LACTBL1: variants seen among roughly 807,000 people sequenced by gnomAD.
LACTBL1 encodes beta-lactamase-like protein 1.
Under a neutral mutation model 39.6 loss-of-function variants are expected in LACTBL1, and 29 were observed. That is an observed-to-expected ratio of 0.73 (90% CI 0.55 to 1.00). The LOEUF is 1.00. Ranked by LOEUF, LACTBL1 falls within the 50% of genes least tolerant of loss-of-function variation. The pLI is 0.00. For synonymous variants in LACTBL1, 361 were observed against 360.7 expected, an observed-to-expected ratio of 1.00 and a Z score of -0.01; for missense variants, 711 against 748.5, an observed-to-expected ratio of 0.95 and a Z score of 0.59.
upstream of LACTBL1, among the ~76,000 whole-genome samples, chr1:22,966,109 A>G (rs1012639954): frequency 1.3e-5 from 2 of 152,248 alleles, no homozygotes; most frequent in Non-Finnish European, 2.9e-5. Flanking sequence ...TTATATCTCA[A>G]TACAATTCCT....
chr1:22,953,485 C>G lies in LACTBL1; in HGVS notation c.1199G>C (p.Arg400Pro), dbSNP rs568444287. 3.1e-4 allele frequency: 385 copies of G among 1,230,416 alleles called. 2 individuals carry two copies. The African/African-American group carries it at 5.4e-3, about 17-fold the overall frequency. 76.2% of individuals were successfully genotyped at this position (1,230,416 alleles called of 1,614,324 possible). A position where few individuals can be genotyped will look rare whatever the true frequency, so the allele number is the denominator to read the frequency against. The change falls in exon 6 of 6, where the codon CGG becomes CCG. Residue 400 changes from arginine to proline, a missense_variant. Transcript: ENST00000426928. ...GGCGGGCAGGAGCTCATCGTAGGCCCGCGCCACCAGGTCGGGCCCGGGCGG... is the reference window on the plus strand; with the variant it reads ...GGCGGGCAGGAGCTCATCGTAGGCCGGCGCCACCAGGTCGGGCCCGGGCGG...
At chr1:22,963,934 T>C (rs1027563870) in intron 1 of LACTBL1, among the ~76,000 whole-genome samples, 3 of 152,094 alleles carry the variant, frequency 2.0e-5, no homozygotes, top group African/African-American at 7.2e-5. Context: ...TGACCATAAA[T>C]TCTTGAGACA....
upstream of LACTBL1, among the ~76,000 whole-genome samples, chr1:22,966,990 T>C (rs2124241482): frequency 6.6e-6 from 1 of 152,288 alleles, no homozygotes; most frequent in East Asian, 1.9e-4. Context: ...TCCTAGCACT[T>C]TGGGAGGCCA....
exon 2 of LACTBL1, chr1:22,963,139 G>A: frequency 7.8e-7 from 1 of 1,290,092 alleles, no homozygotes; most frequent in Non-Finnish European, 9.9e-7. Flanking sequence ...ACGGGGAGTG[G>A]GTGAGCCAGG....
At chr1:22,955,371 C>T in exon 5 of LACTBL1, 2 of 1,550,572 alleles carry the variant, frequency 1.3e-6, no homozygotes, top group Non-Finnish European at 1.7e-6. Context: ...GGTTCAGGGC[C>T]TCCTGGGTGC....
chr1:22,962,673 G>C (rs892372590), intron 2 of LACTBL1, among the ~76,000 whole-genome samples: 1 of 151,950 alleles, frequency 6.6e-6, no homozygotes, highest in Non-Finnish European at 1.5e-5. Flanking sequence ...GCCCTTCCAC[G>C]TGCTGTTCCA....
chr1:22,960,617 CAAAAAAAAA>C (rs35006759), intron 2 of LACTBL1, among the ~76,000 whole-genome samples: 1 of 38,008 alleles, frequency 2.6e-5, no homozygotes, highest in African/African-American at 1.0e-4. Flanking sequence ...AACTCCGTCT[CAAAAAAAAA>C]AAAAAAAAAA....
chr1:22,957,197 T>A (rs1164997977), intron 4 of LACTBL1, among the ~76,000 whole-genome samples: 1 of 152,152 alleles, frequency 6.6e-6, no homozygotes, highest in East Asian at 1.9e-4. Context: ...ATGATTATCC[T>A]TTTTTTAGGT....
At chr1:22,960,140 C>T in intron 2 of LACTBL1, 41 bp from the exon 5 acceptor site, 1 of 1,547,552 alleles carries the variant, frequency 6.5e-7, no homozygotes, top group Middle Eastern at 1.7e-4. Context: ...GCCCCCCTGC[C>T]CTCACCCTCA....
At chr1:22,963,266 T>C (rs781382744) in intron 1 of LACTBL1, 50 bp from the exon 4 acceptor site, 12 of 1,093,708 alleles carry the variant, frequency 1.1e-5, no homozygotes, top group Non-Finnish European at 1.5e-5. Context: ...AGGATAGGAA[T>C]CTAGGGGGAA....
At chr1:22,953,444 G>A (rs1371156260) in exon 6 of LACTBL1, 44 of 1,227,346 alleles carry the variant, frequency 3.6e-5, no homozygotes, top group Non-Finnish European at 4.2e-5. Flanking sequence ...TCGGCCTCCC[G>A]GAGGGCGCGC....
intron 2 of LACTBL1, among the ~76,000 whole-genome samples, chr1:22,960,350 T>A (rs1021504558): frequency 3.3e-5 from 5 of 152,072 alleles, no homozygotes; most frequent in Non-Finnish European, 7.4e-5. Flanking sequence ...GCATGGTGGC[T>A]CATGCCTGTA....
chr1:22,963,670 G>A (rs973320813), intron 1 of LACTBL1, among the ~76,000 whole-genome samples: 7 of 152,118 alleles, frequency 4.6e-5, no homozygotes, highest in African/African-American at 1.7e-4. Flanking sequence ...GGCTTTGGGG[G>A]CCTGAGTCTG....
the LACTBL1 span, chr1:22,972,506 G>T: frequency 1.2e-6 from 1 of 857,748 alleles, no homozygotes; most frequent in Non-Finnish European, 1.4e-6. Flanking sequence ...GATCAAAGCA[G>T]CCCTCCTCTT....
chr1:22,959,099 C>A (rs1223846210), intron 3 of LACTBL1, among the ~76,000 whole-genome samples, 179 bp from the exon 6 acceptor site: 2 of 152,180 alleles, frequency 1.3e-5, no homozygotes, highest in Non-Finnish European at 2.9e-5. Context: ...TGCTTGAGAA[C>A]GTAACCAGAA....
the LACTBL1 span, among the ~76,000 whole-genome samples, chr1:22,971,436 T>C: frequency 6.6e-6 from 1 of 152,090 alleles, no homozygotes; most frequent in East Asian, 1.9e-4. Context: ...CAGCTGGAAA[T>C]TGCTGGCAGT....
upstream of LACTBL1, among the ~76,000 whole-genome samples, chr1:22,969,643 C>T (rs977858610): frequency 2.0e-5 from 3 of 152,036 alleles, no homozygotes; most frequent in South Asian, 2.1e-4. Context: ...CCCCACCTCC[C>T]GCATCATTGC....
chr1:22,953,261 G>A (rs1042223886), exon 6 of LACTBL1: 6 of 1,231,700 alleles, frequency 4.9e-6, no homozygotes, highest in Non-Finnish European at 6.1e-6. Flanking sequence ...CCGTGCAGGT[G>A]GCGCAGCGCC....
chr1:22,963,335 C>T (rs569973993), intron 1 of LACTBL1, 119 bp from the exon 4 acceptor site: 8 of 498,524 alleles, frequency 1.6e-5, no homozygotes, highest in Admixed American at 4.3e-5. Context: ...CGAGCCGAGC[C>T]GGGGGATATC....
Sources: gnomAD v4.1 joint callset for allele counts (sites outside exome capture counted in the v4.1 genomes callset) on GRCh38, gnomAD v4.1.1 for gene constraint, MANE v1.5 for transcripts, NCBI Gene and HGNC (gene_info 2026-07-23, HGNC 2026-07-21) for gene names.